Variants in EGFLAM observed in about 807,000 individuals in gnomAD.
EGFLAM encodes EGF like, fibronectin type III and laminin G domains, also known as pikachurin.
In EGFLAM, 79 loss-of-function variants were observed where a neutral mutation model predicts 113.1. That is an observed-to-expected ratio of 0.70 (90% CI 0.58 to 0.84). The LOEUF (loss-of-function observed/expected upper bound fraction) is 0.84. Ranked by LOEUF, EGFLAM falls within the 40% of genes least tolerant of loss-of-function variation. EGFLAM has a pLI of 0.00. For missense variants in EGFLAM, 1,265 were observed against 1,291.6 expected (o/e 0.98, Z 0.32); for synonymous variants, 504 against 487.6 (o/e 1.03, Z -0.44).
chr5:38,346,905 A>C (rs1172153771), intron 3 of EGFLAM, among the ~76,000 whole-genome samples: 1 of 149,212 alleles, frequency 6.7e-6, no homozygotes, highest in Non-Finnish European at 1.5e-5. Context: ...AGGGGATCTG[A>C]AGGCAGGTCC....
intron 15 of EGFLAM, among the ~76,000 whole-genome samples, chr5:38,434,786 C>G (rs1742291638): frequency 6.6e-6 from 1 of 152,232 alleles, no homozygotes; most frequent in Non-Finnish European, 1.5e-5. Context: ...ACAAGCTCAT[C>G]TGAGCCGACA....
At chr5:38,370,650 A>C (rs1390615457) in intron 6 of EGFLAM, among the ~76,000 whole-genome samples, 188 bp downstream of exon 6, 1 of 152,192 alleles carries the variant, frequency 6.6e-6, no homozygotes, top group Non-Finnish European at 1.5e-5. Flanking sequence ...GGCTGTTTCT[A>C]TGTCCTGGAG....
At chr5:38,345,139 G>A (rs1739442750) in intron 3 of EGFLAM, among the ~76,000 whole-genome samples, 1 of 152,172 alleles carries the variant, frequency 6.6e-6, no homozygotes, top group Admixed American at 6.5e-5. Context: ...TAAAGTCATG[G>A]TGTGTTTCAT....
chr5:38,461,932 G>A (rs1226427601), intron 20 of EGFLAM, among the ~76,000 whole-genome samples: 9 of 152,076 alleles, frequency 5.9e-5, no homozygotes, highest in South Asian at 2.1e-4. Flanking sequence ...TTGGGAGGCC[G>A]AGGAGGGCGG....
At chr5:38,285,050 TCCAA>T (rs1758122806) in intron 1 of EGFLAM, among the ~76,000 whole-genome samples, 1 of 152,144 alleles carries the variant, frequency 6.6e-6, no homozygotes, top group Non-Finnish European at 1.5e-5. Flanking sequence ...TCTTGTCGAG[TCCAA>T]TTTGGATTTG....
intron 3 of EGFLAM, among the ~76,000 whole-genome samples, chr5:38,346,931 G>A (rs1739486269): frequency 7.8e-6 from 1 of 127,728 alleles, no homozygotes; most frequent in Non-Finnish European, 1.6e-5. Context: ...TGCAGCAAAG[G>A]CCCCTTGTGA....
chr5:38,318,052 C>A (rs1370028564), intron 1 of EGFLAM, among the ~76,000 whole-genome samples: 2 of 152,076 alleles, frequency 1.3e-5, no homozygotes, highest in Non-Finnish European at 2.9e-5. Context: ...GGGGAAGATA[C>A]CAGGTTTCTG....
At chr5:38,299,789 C>T (rs138821541) in intron 1 of EGFLAM, among the ~76,000 whole-genome samples, 2 of 152,142 alleles carry the variant, frequency 1.3e-5, no homozygotes, top group South Asian at 4.2e-4. Context: ...TTGCCTTCTG[C>T]AATGATTGAA....
At chr5:38,340,847 G>GGGGGGGTGGGGGGT (rs145576123) in intron 3 of EGFLAM, among the ~76,000 whole-genome samples, 1 of 132,904 alleles carries the variant, frequency 7.5e-6, no homozygotes, top group South Asian at 3.0e-4. Context: ...GTGTGTGTTT[G>GGGGGGGTGGGGGGT]GGGGGGTGGG....
In EGFLAM at chr5:38,418,323, C is replaced by T. The variant is rs1741720804; in HGVS notation, c.1684+68C>T. ...ATGTCTTATGGGACTGCCTTTCTGG[C>T]TTGGGCCATGGAGGGAGCAGCAACA... On this transcript the variant is annotated intron_variant, in intron 12 of 21. Coordinates refer to ENST00000322350, the MANE Select transcript of EGFLAM (RefSeq NM_152403.4). 13 of 1,559,466 alleles carry T rather than the reference C, an allele frequency of 8.3e-6. No homozygotes were observed. In the Middle Eastern group the frequency reaches 7.1e-4, roughly 85 times the overall value.
intron 6 of EGFLAM, among the ~76,000 whole-genome samples, chr5:38,380,913 A>G (rs3110232): frequency 0.14 from 21,733 of 152,172 alleles, 1,799 homozygotes; most frequent in African/African-American, 0.22. Flanking sequence ...GACTAAAGCA[A>G]ATGATAAGGA....
chr5:38,410,026 A>G (rs1221453634), intron 10 of EGFLAM, among the ~76,000 whole-genome samples: 1 of 152,162 alleles, frequency 6.6e-6, no homozygotes, highest in Non-Finnish European at 1.5e-5. Context: ...GACCTTCAGC[A>G]TGTGGCGCAA....
rs577221377 is a variant in EGFLAM at position 38,437,982 on chromosome 5, C to T, written c.2284-293C>T. Among the ~76,000 whole-genome samples the T allele has an allele frequency of 1.4e-4, 22 of 152,050 alleles. No homozygotes were observed. In the East Asian group the frequency reaches 1.8e-3, roughly 12 times the overall value. ...CTACTAAAAACAAAAATTAGCCGGG[C>T]GTAGTGGCGGGTGCCTGTAATTCCA... On this transcript the variant is annotated intron_variant, in intron 16 of 21. Transcript: ENST00000322350.
At chr5:38,358,446 C>CA (rs34444620) in intron 5 of EGFLAM, among the ~76,000 whole-genome samples, 6,506 of 73,948 alleles carry the variant, frequency 0.088, 741 homozygotes, top group African/African-American at 0.21. Flanking sequence ...GACTCCGTCT[C>CA]AAAAAAAAAA....
chr5:38,385,875 T>G (rs550704637), intron 6 of EGFLAM, among the ~76,000 whole-genome samples: 14 of 152,326 alleles, frequency 9.2e-5, no homozygotes, highest in African/African-American at 3.4e-4. Flanking sequence ...TGTGCGAACA[T>G]CCTAGAGTTG....
At chr5:38,452,687 T>C (rs148641347) in intron 19 of EGFLAM, among the ~76,000 whole-genome samples, 63 of 152,340 alleles carry the variant, frequency 4.1e-4, no homozygotes, top group African/African-American at 1.5e-3. Flanking sequence ...GGAGAATCCC[T>C]GCTTTCAAGT....
intron 1 of EGFLAM, among the ~76,000 whole-genome samples, chr5:38,294,990 G>A (rs1758419688): frequency 6.6e-6 from 1 of 152,042 alleles, no homozygotes; most frequent in Admixed American, 6.5e-5. Flanking sequence ...ACGAGTCCTA[G>A]CTAATTTTGT....
chr5:38,298,632 T>C (rs543823449), intron 1 of EGFLAM, among the ~76,000 whole-genome samples: 3 of 152,318 alleles, frequency 2.0e-5, no homozygotes, highest in South Asian at 4.1e-4. Flanking sequence ...TATGTAAATA[T>C]ATTGACAAAC....
At chr5:38,426,431 G>C (rs938816474) in intron 13 of EGFLAM, among the ~76,000 whole-genome samples, 1 of 152,054 alleles carries the variant, frequency 6.6e-6, no homozygotes, top group African/African-American at 2.4e-5. Context: ...TAAAACTGAG[G>C]CTAAGATCAC....
Sources: allele counts gnomAD v4.1 joint callset (sites outside exome capture counted in the v4.1 genomes callset), GRCh38; gene constraint gnomAD v4.1.1; transcripts MANE v1.5; gene names NCBI Gene and HGNC (gene_info 2026-07-23, HGNC 2026-07-21).